CCDC73: variants seen among roughly 807,000 people sequenced by gnomAD.
CCDC73 encodes the protein coiled-coil domain containing 73.
In CCDC73, 95 loss-of-function variants were observed where a neutral mutation model predicts 116.5. The observed-to-expected ratio is 0.82, with a 90% confidence interval of 0.69 to 0.97. CCDC73 has a LOEUF of 0.97. Among genes scored for constraint, CCDC73 ranks in the 50% least tolerant of loss-of-function variants. The probability of loss-of-function intolerance (pLI) is 0.00; values close to 1 mark genes in which losing one functional copy is unlikely to be tolerated. For missense variants in CCDC73, 1,066 were observed against 1,206.8 expected (o/e 0.88, Z 1.73); for synonymous variants, 398 against 401.3 (o/e 0.99, Z 0.10).
intron 3 of CCDC73, among the ~76,000 whole-genome samples, chr11:32,709,332 T>C (rs1849879994): frequency 6.6e-6 from 1 of 152,180 alleles, no homozygotes; most frequent in African/African-American, 2.4e-5. Context: ...GGAATCTTAC[T>C]CTGTTGCCCA....
At chr11:32,793,133 G>C (rs145955533) in intron 1 of CCDC73, among the ~76,000 whole-genome samples, 10 of 152,302 alleles carry the variant, frequency 6.6e-5, no homozygotes. Flanking sequence ...AAGCCGTATG[G>C]AAATTAAAAC....
intron 1 of CCDC73, among the ~76,000 whole-genome samples, chr11:32,762,734 T>C (rs1291433391): frequency 6.6e-6 from 1 of 152,108 alleles, no homozygotes; most frequent in Admixed American, 6.5e-5. Flanking sequence ...GGTACTGGGT[T>C]CATCTCACTG....
chr11:32,715,846 G>T (rs533559274), intron 3 of CCDC73, among the ~76,000 whole-genome samples: 2 of 152,076 alleles, frequency 1.3e-5, no homozygotes, highest in Non-Finnish European at 2.9e-5. Flanking sequence ...AGTTTATTTG[G>T]GTAAACATCT....
intron 14 of CCDC73, among the ~76,000 whole-genome samples, chr11:32,619,954 G>T (rs1418377581): frequency 6.6e-6 from 1 of 151,974 alleles, no homozygotes; most frequent in Non-Finnish European, 1.5e-5. Flanking sequence ...GAGAGGAAAA[G>T]AAAATAAAGG....
At chr11:32,608,041 T>C (rs1855378501) in intron 17 of CCDC73, among the ~76,000 whole-genome samples, 1 of 152,078 alleles carries the variant, frequency 6.6e-6, no homozygotes, top group South Asian at 2.1e-4. Flanking sequence ...CACGATTCTA[T>C]TACCTCCCAC....
At chr11:32,658,755 A>G (rs189124226) in intron 9 of CCDC73, among the ~76,000 whole-genome samples, 1 of 152,298 alleles carries the variant, frequency 6.6e-6, no homozygotes, top group African/African-American at 2.4e-5. Context: ...TGAAAAATGG[A>G]AAGTAAAAAA....
intron 2 of CCDC73, among the ~76,000 whole-genome samples, chr11:32,724,911 T>C (rs1850018288): frequency 6.6e-6 from 1 of 152,190 alleles, no homozygotes; most frequent in Admixed American, 6.5e-5. Context: ...ACTTCTAAAA[T>C]GCAGACATTG....
At chr11:32,667,262 T>A (rs938301629) in intron 9 of CCDC73, among the ~76,000 whole-genome samples, 2 of 151,402 alleles carry the variant, frequency 1.3e-5, no homozygotes, top group Admixed American at 1.3e-4. Flanking sequence ...CCCCTAGAGG[T>A]GGAGTCTACA....
the CCDC73 span, among the ~76,000 whole-genome samples, chr11:32,817,446 A>G: frequency 6.6e-6 from 1 of 152,152 alleles, no homozygotes; most frequent in African/African-American, 2.4e-5. Context: ...CCTCATACCT[A>G]CATTTTAATC....
At chr11:32,666,269 C>G (rs1855980548) in intron 9 of CCDC73, among the ~76,000 whole-genome samples, 1 of 152,190 alleles carries the variant, frequency 6.6e-6, no homozygotes, top group Non-Finnish European at 1.5e-5. Flanking sequence ...CAACTTGGTT[C>G]CATTCTCCCC....
chr11:32,618,920 C>T (rs1855498183), intron 14 of CCDC73, among the ~76,000 whole-genome samples: 1 of 152,096 alleles, frequency 6.6e-6, no homozygotes, highest in Admixed American at 6.6e-5. Context: ...ATTTGCATTT[C>T]TCTGATGATT....
intron 13 of CCDC73, among the ~76,000 whole-genome samples, chr11:32,639,668 T>G (rs1358890072): frequency 2.0e-5 from 3 of 152,118 alleles, no homozygotes; most frequent in African/African-American, 7.2e-5. Flanking sequence ...AGGTTTGTCT[T>G]GAACTCCTGA....
intron 12 of CCDC73, among the ~76,000 whole-genome samples, chr11:32,645,543 C>CGG (rs767799408): frequency 6.6e-5 from 10 of 151,986 alleles, no homozygotes; most frequent in Non-Finnish European, 1.2e-4. Flanking sequence ...CCCGCCTTGG[C>CGG]CTCCCAAAGT....
At chr11:32,730,221 T>C (rs1850063525) in intron 2 of CCDC73, among the ~76,000 whole-genome samples, 1 of 152,210 alleles carries the variant, frequency 6.6e-6, no homozygotes, top group African/African-American at 2.4e-5. Context: ...CATCATCCCC[T>C]AAATTTCTCA....
At chr11:32,765,661 G>A (rs1666453130) in intron 1 of CCDC73, among the ~76,000 whole-genome samples, 1 of 152,142 alleles carries the variant, frequency 6.6e-6, no homozygotes, top group Admixed American at 6.6e-5. Flanking sequence ...AGAGAAAGCA[G>A]GAAAGATCTA....
At chr11:32,607,759 A>G (rs557841530) in intron 17 of CCDC73, among the ~76,000 whole-genome samples, 1 of 152,250 alleles carries the variant, frequency 6.6e-6, no homozygotes, top group East Asian at 1.9e-4. Context: ...GGAAAGAGTG[A>G]AAAGGGTGTA....
At chr11:32,628,624 A>T (rs1052064977) in intron 14 of CCDC73, among the ~76,000 whole-genome samples, 1 of 152,214 alleles carries the variant, frequency 6.6e-6, no homozygotes, top group Non-Finnish European at 1.5e-5. Flanking sequence ...GCTATTCTAG[A>T]TGCTTCCATA....
chr11:32,712,792 A>ATT (rs1397665533), intron 3 of CCDC73, among the ~76,000 whole-genome samples: 1 of 144,662 alleles, frequency 6.9e-6, no homozygotes, highest in Non-Finnish European at 1.5e-5. Context: ...TATACACTTC[A>ATT]TTTTATATAT....
At chr11:32,689,183 G>A (rs1206090244) in intron 6 of CCDC73, among the ~76,000 whole-genome samples, 2 of 151,972 alleles carry the variant, frequency 1.3e-5, no homozygotes, top group Non-Finnish European at 2.9e-5. Context: ...CCTAAACTTG[G>A]AGTACAAAAG....
Sources: allele counts gnomAD v4.1 joint callset (sites outside exome capture counted in the v4.1 genomes callset), GRCh38; gene constraint gnomAD v4.1.1; transcripts MANE v1.5; gene names NCBI Gene and HGNC (gene_info 2026-07-23, HGNC 2026-07-21).